ZNF141: variants seen among roughly 807,000 people sequenced by gnomAD.
The protein encoded by ZNF141 is zinc finger protein 141, also known as zinc finger protein 141 (clone pHZ-44).
ZNF141 carries 7 observed loss-of-function variants against 11.3 expected under a neutral mutation model. The ratio of observed to expected loss-of-function variants is 0.62; its 90% CI spans 0.35 to 1.16. The LOEUF (loss-of-function observed/expected upper bound fraction) is 1.16. Among genes scored for constraint, ZNF141 ranks in the 50% most tolerant of loss-of-function variants. The probability of loss-of-function intolerance (pLI) is 0.02; values close to 1 mark genes in which losing one functional copy is unlikely to be tolerated. For missense variants in ZNF141, 535 were observed against 554.0 expected, an observed-to-expected ratio of 0.97 and a Z score of 0.34; for synonymous variants, 183 against 190.7, an observed-to-expected ratio of 0.96 and a Z score of 0.33.
rs186320626 is a variant in ZNF141 at position 344,947 on chromosome 4, A to G, written c.226+517A>G. Among the ~76,000 whole-genome samples, 1,072 of 152,246 alleles carry G rather than the reference A, an allele frequency of 7.0e-3. 4 individuals carry two copies. Among genetic ancestry groups the G allele is most frequent in the Non-Finnish European group, 0.011 (779 of 67,990 alleles). On this transcript the variant is annotated intron_variant, in intron 3 of 3. Transcript: ENST00000240499. The stretch of plus-strand genomic sequence containing the variant: ...AATCCAAGAATTCTCTTTTTTCTTT[A>G]GTGATCTCCCTTTAAGTTTACAGGG...
At chr4:365,052 C>T (rs1236716226) in intron 3 of ZNF141, among the ~76,000 whole-genome samples, 3 of 152,218 alleles carry the variant, frequency 2.0e-5, no homozygotes, top group African/African-American at 7.2e-5. Flanking sequence ...ACGCTCCTCC[C>T]CCTGCCAGGC....
At chr4:358,444 C>T (rs998911225) in intron 3 of ZNF141, 2 of 257,198 alleles carry the variant, frequency 7.8e-6, no homozygotes, top group African/African-American at 2.4e-5. Flanking sequence ...CCTCAGCCTC[C>T]TGAAGTGCTG....
intron 3 of ZNF141, among the ~76,000 whole-genome samples, chr4:348,371 A>G (rs1553849951): frequency 6.6e-6 from 1 of 152,164 alleles, no homozygotes; most frequent in African/African-American, 2.4e-5. Flanking sequence ...ATGAGTTTTA[A>G]GATTTCATGT....
At chr4:350,416 C>T (rs533461093) in intron 3 of ZNF141, among the ~76,000 whole-genome samples, 1 of 152,354 alleles carries the variant, frequency 6.6e-6, no homozygotes, top group South Asian at 2.1e-4. Flanking sequence ...ATAATGGCCT[C>T]AGGATTTATC....
At chr4:352,153 C>T (rs543945660) in intron 3 of ZNF141, among the ~76,000 whole-genome samples, 2 of 152,114 alleles carry the variant, frequency 1.3e-5, no homozygotes, top group South Asian at 4.2e-4. Flanking sequence ...TTTGGGAGGC[C>T]GAGACGGGCA....
chr4:361,291 G>A (rs1553852106), intron 3 of ZNF141, among the ~76,000 whole-genome samples: 1 of 147,058 alleles, frequency 6.8e-6, no homozygotes, highest in Admixed American at 6.8e-5. Flanking sequence ...TTTTATATTT[G>A]TATCACTATA....
At chr4:350,068 A>G (rs1721519746) in intron 3 of ZNF141, 1 of 504,334 alleles carries the variant, frequency 2.0e-6, no homozygotes, top group Admixed American at 2.0e-5. Context: ...CTGGGTGTGT[A>G]TCTCCCTGCA....
In ZNF141 at chr4:376,729, T is replaced by G. The variant is rs115086403; in HGVS notation, c.*2867T>G. ...AATTGTGTTTATGTGAGTTTGTACCTATTTTCCAAAGAAAATAGCAATATT... is the reference window on the plus strand; with the variant it reads ...AATTGTGTTTATGTGAGTTTGTACCGATTTTCCAAAGAAAATAGCAATATT... On this transcript the variant is annotated 3_prime_UTR_variant, in exon 4 of 4. Transcript: ENST00000240499. Among the ~76,000 whole-genome samples the G allele has an allele frequency of 0.024, 3,695 of 152,216 alleles. 150 individuals carry two copies. The highest frequency in any genetic ancestry group is 0.085 in the African/African-American group (3,519 of 41,544).
In ZNF141 at chr4:372,999, CAACAT is replaced by C. The variant is rs1712151879; in HGVS notation, c.565_569del (p.His189GlyfsTer12). On this transcript the variant is annotated frameshift_variant, in exon 4 of 4. Coordinates refer to ENST00000240499, the MANE Select transcript of ZNF141 (RefSeq NM_003441.4). LOFTEE classifies it low-confidence loss of function (END_TRUNC). The stretch of plus-strand genomic sequence containing the variant: ...ATTTCAGAAGTTTTCACACCTAACT[CAACAT>C]AAGGTAATTCATGCTGGAGAGAAAC... 1 of 1,613,866 alleles carries C rather than the reference CAACAT, an allele frequency of 6.2e-7. No individual in the cohort carries two copies. Among genetic ancestry groups the C allele is most frequent in the South Asian group, 1.1e-5 (1 of 91,076 alleles).
chr4:341,132 A>C (rs1401971685), intron 1 of ZNF141, among the ~76,000 whole-genome samples: 6 of 150,176 alleles, frequency 4.0e-5, no homozygotes, highest in African/African-American at 1.5e-4. Context: ...CAGTGGTGCG[A>C]TCTCGGCTCA....
intron 3 of ZNF141, among the ~76,000 whole-genome samples, chr4:348,468 C>A (rs941649544): frequency 6.6e-6 from 1 of 152,014 alleles, no homozygotes; most frequent in Non-Finnish European, 1.5e-5. Context: ...ATCCCAGCAC[C>A]TTGGGAGGCC....
intron 3 of ZNF141, among the ~76,000 whole-genome samples, chr4:348,241 G>A (rs923825078): frequency 9.9e-5 from 15 of 152,086 alleles, no homozygotes; most frequent in Non-Finnish European, 1.9e-4. Context: ...TGCAGAGGCT[G>A]TTTACTTTGA....
In ZNF141 at chr4:359,680, A is replaced by G. The variant is rs571145838; in HGVS notation, c.227-12984A>G. Among the ~76,000 whole-genome samples the G allele has an allele frequency of 2.8e-3, 427 of 152,330 alleles. 2 individuals are homozygous for G. The highest frequency in any genetic ancestry group is 5.2e-3 in the Non-Finnish European group (357 of 68,026). The stretch of plus-strand genomic sequence containing the variant: ...CCAGCATGCCTACAGGGACACATGT[A>G]GCTGTGCTTTTGGGCAGGTCACAGG... On this transcript the variant is annotated intron_variant, in intron 3 of 3. Coordinates refer to ENST00000240499, the MANE Select transcript of ZNF141 (RefSeq NM_003441.4).
At chr4:350,470 A>G (rs1271697121) in intron 3 of ZNF141, among the ~76,000 whole-genome samples, 1 of 152,204 alleles carries the variant, frequency 6.6e-6, no homozygotes, top group Non-Finnish European at 1.5e-5. Flanking sequence ...GAAGCTAAAG[A>G]ATATTTCATT....
intron 1 of ZNF141, among the ~76,000 whole-genome samples, chr4:343,452 G>T (rs188448997): frequency 6.6e-6 from 1 of 152,088 alleles, no homozygotes; most frequent in Non-Finnish European, 1.5e-5. Context: ...TCGGCTGGGC[G>T]CAGTGGCTCA....
chr4:340,397 G>GT (rs1720990097), intron 1 of ZNF141, among the ~76,000 whole-genome samples: 2 of 152,222 alleles, frequency 1.3e-5, no homozygotes, highest in South Asian at 4.1e-4. Flanking sequence ...ATAGCGATCA[G>GT]TTTTTCCACC....
Position 377,562 on chromosome 4 carries a change from C to A in ZNF141, c.*3700C>A, listed in dbSNP as rs1047948883. Among the ~76,000 whole-genome samples the A allele has an allele frequency of 6.6e-6, 1 of 152,150 alleles. No homozygotes were observed. The highest frequency in any genetic ancestry group is 2.4e-5 in the African/African-American group (1 of 41,418). On this transcript the variant is annotated 3_prime_UTR_variant, in exon 4 of 4. Transcript: ENST00000240499. ...ATGGCTAGTTTGTCACTGTTCTCTT[C>A]ATTCCACGTAATTTCACGTGGACTT...
At chr4:369,759 TATA>T (rs1711950448) in intron 3 of ZNF141, among the ~76,000 whole-genome samples, 1 of 53,586 alleles carries the variant, frequency 1.9e-5, no homozygotes, top group Non-Finnish European at 4.0e-5. Flanking sequence ...TATATATATA[TATA>T]TATTTTTTTT....
At chr4:366,738 G>A (rs1362854428) in intron 3 of ZNF141, among the ~76,000 whole-genome samples, 9 of 151,322 alleles carry the variant, frequency 5.9e-5, no homozygotes, top group Non-Finnish European at 5.9e-5. Context: ...GCACTGGTGC[G>A]ATCTTGGCTC....
Sources: gnomAD v4.1 joint callset for allele counts (sites outside exome capture counted in the v4.1 genomes callset) on GRCh38, gnomAD v4.1.1 for gene constraint, MANE v1.5 for transcripts, NCBI Gene and HGNC (gene_info 2026-07-23, HGNC 2026-07-21) for gene names.